Variants in TRIM68 observed in about 807,000 individuals in gnomAD.
TRIM68 encodes tripartite motif containing 68, also known as E3 ubiquitin-protein ligase TRIM68.
In TRIM68, 36 loss-of-function variants were observed where a neutral mutation model predicts 41.9. That is an observed-to-expected ratio of 0.86 (90% confidence interval 0.66 to 1.14). The LOEUF is 1.14. Among genes scored for constraint, TRIM68 ranks in the 50% most tolerant of loss-of-function variants. The pLI, the probability that TRIM68 is intolerant of heterozygous loss-of-function variation, is 0.00. For missense variants in TRIM68, 632 were observed against 605.1 expected, an observed-to-expected ratio of 1.04 and a Z score of -0.47; for synonymous variants, 225 against 224.6, an observed-to-expected ratio of 1.00 and a Z score of -0.02.
Position 4,600,185 on chromosome 11 carries a change from T to C in TRIM68, c.*91A>G. On this transcript the variant is annotated 3_prime_UTR_variant, in exon 7 of 7. Transcript: ENST00000300747. Reference sequence around the variant, plus strand: ...TCCTTGGATACTGGGCTCAGCTCAGTTTCAGGGGATACCTGTCAGTGGCTC... The same window carrying C: ...TCCTTGGATACTGGGCTCAGCTCAGCTTCAGGGGATACCTGTCAGTGGCTC... The C allele has an allele frequency of 7.5e-7, 1 of 1,333,334 alleles. No homozygotes were observed. Among genetic ancestry groups the C allele is most frequent in the Non-Finnish European group, 1.0e-6 (1 of 978,424 alleles). 82.6% of individuals were successfully genotyped at this position (1,333,334 alleles called of 1,614,324 possible). A position where few individuals can be genotyped will look rare whatever the true frequency, so the allele number is the denominator to read the frequency against.
chr11:4,601,575 G>C, intron 5 of TRIM68, 89 bp downstream of exon 5: 2 of 1,412,756 alleles, frequency 1.4e-6, no homozygotes, highest in Non-Finnish European at 2.0e-6. Flanking sequence ...TGTGTGCACC[G>C]AGTCTGTGCT....
chr11:4,598,988 G>C lies in TRIM68; in HGVS notation c.*1288C>G, dbSNP rs1045769193. The C allele has an allele frequency of 2.0e-5, 3 of 152,142 alleles. No homozygotes were observed. The highest frequency in any genetic ancestry group is 7.2e-5 in the African/African-American group (3 of 41,416). The allele number at this position is 152,142 out of a possible 1,614,324, so 9.4% of individuals were successfully genotyped here. ...ATCTATACAACAGCTCCATGAGGCA[G>C]GACAATCATATGAGGTTTTATGCTG... On this transcript the variant is annotated 3_prime_UTR_variant, in exon 7 of 7. Coordinates refer to ENST00000300747, the MANE Select transcript of TRIM68 (RefSeq NM_018073.8).
At chr11:4,602,471 C>A in intron 3 of TRIM68, 59 bp from the exon 4 acceptor site, 3 of 1,591,912 alleles carry the variant, frequency 1.9e-6, no homozygotes, top group Non-Finnish European at 2.6e-6. Context: ...ATCGAGCATA[C>A]TGACATATGC....
intron 3 of TRIM68, among the ~76,000 whole-genome samples, chr11:4,602,660 T>C (rs913012879): frequency 6.6e-6 from 1 of 152,260 alleles, no homozygotes; most frequent in Non-Finnish European, 1.5e-5. Flanking sequence ...CTACATGCTC[T>C]AGACTATTTT....
chr11:4,604,372 C>T (rs1164384110), intron 2 of TRIM68, among the ~76,000 whole-genome samples: 3 of 152,132 alleles, frequency 2.0e-5, no homozygotes, highest in Admixed American at 6.5e-5. Flanking sequence ...AAGAGAAGCC[C>T]AGAAGCTGGA....
intron 2 of TRIM68, 69 bp downstream of exon 2, chr11:4,605,010 A>C: frequency 6.4e-7 from 1 of 1,552,630 alleles, no homozygotes; most frequent in Non-Finnish European, 8.7e-7. Context: ...CTGGTGGTCA[A>C]GCCCTTGATC....
Position 4,599,135 on chromosome 11 carries a change from T to G in TRIM68, c.*1141A>C, listed in dbSNP as rs974998416. ...CTGCGAAGTGAGTTTGTCAACCTTG[T>G]TTCACTTGAGTGTGAAAAATGCTTT... On this transcript the variant is annotated 3_prime_UTR_variant, in exon 7 of 7. Coordinates refer to ENST00000300747, the MANE Select transcript of TRIM68 (RefSeq NM_018073.8). The G allele has an allele frequency of 6.6e-6, 1 of 152,226 alleles. No individual in the cohort carries two copies. Among genetic ancestry groups the G allele is most frequent in the Non-Finnish European group, 1.5e-5 (1 of 68,040 alleles). 9.4% of individuals were successfully genotyped at this position (152,226 alleles called of 1,614,324 possible). A position where few individuals can be genotyped will look rare whatever the true frequency, so the allele number is the denominator to read the frequency against.
intron 1 of TRIM68, among the ~76,000 whole-genome samples, chr11:4,607,627 C>A (rs190564569): frequency 1.3e-5 from 2 of 152,308 alleles, no homozygotes; most frequent in Admixed American, 1.3e-4. Context: ...CTAAAAACAT[C>A]TAAATGGGGA....
In TRIM68 at chr11:4,605,331, G is replaced by T; in HGVS notation, c.174C>A (p.Pro58=). The change falls in exon 2 of 7, where the codon CCC becomes CCA. Residue 58 remains proline (P), a synonymous_variant. Coordinates refer to ENST00000300747, the MANE Select transcript of TRIM68 (RefSeq NM_018073.8). The part of the protein sequence containing the change: ...GESQNWGYTC[P]LCRAPVQPRN... ...TTGGCTGGACAGGAGCTCGACAGAGGGGACAGGTGTAACCCCAGTTCTGGG... is the reference window on the plus strand; with the variant it reads ...TTGGCTGGACAGGAGCTCGACAGAGTGGACAGGTGTAACCCCAGTTCTGGG... 6.2e-7 allele frequency: 1 copy of T among 1,614,252 alleles called. No individual in the cohort carries two copies. Among genetic ancestry groups the T allele is most frequent in the Non-Finnish European group, 8.5e-7 (1 of 1,180,046 alleles).
chr11:4,600,604 T>C lies in TRIM68; in HGVS notation c.1130A>G (p.Gln377Arg). The C allele has an allele frequency of 6.2e-7, 1 of 1,614,138 alleles. No homozygotes were observed. Among genetic ancestry groups the C allele is most frequent in the Non-Finnish European group, 8.5e-7 (1 of 1,180,032 alleles). ...RSEWGLGVCK[Q>R]NVDRKEVVYL... is the part of the protein sequence containing the mutation. ...GACCACCTCCTTCCGGTCTACATTT[T>C]GCTTACATACTCCCAGGCCCCACTC... is the stretch of plus-strand genomic sequence containing the variant. The change falls in exon 7 of 7, where the codon CAA becomes CGA. Residue 377 changes from glutamine to arginine, a missense_variant. Physicochemically the swap from Gln to Arg is conservative, Grantham distance 43. Transcript: ENST00000300747.
intron 1 of TRIM68, among the ~76,000 whole-genome samples, chr11:4,606,992 C>T (rs1233366461): frequency 3.9e-5 from 6 of 152,184 alleles, no homozygotes; most frequent in African/African-American, 1.4e-4. Flanking sequence ...TATCCTAAAA[C>T]CTCATTTTGG....
intron 5 of TRIM68, 127 bp downstream of exon 5, chr11:4,601,537 C>A: frequency 1.0e-6 from 1 of 958,088 alleles, no homozygotes. Flanking sequence ...GTAAGTGGGA[C>A]GAGACTGTGG....
At chr11:4,607,889 G>C (rs929223139) in intron 1 of TRIM68, 138 bp downstream of exon 1, 1 of 152,396 alleles carries the variant, frequency 6.6e-6, no homozygotes, top group Non-Finnish European at 1.5e-5. Context: ...GTCGAGGGGC[G>C]GGCGGTAACC....
chr11:4,604,933 C>T (rs1846545407), intron 2 of TRIM68, 146 bp downstream of exon 2: 1 of 826,632 alleles, frequency 1.2e-6, no homozygotes. Context: ...AGGTATAGCT[C>T]TCTGTATCAG....
In TRIM68 at chr11:4,603,348, A is replaced by C. The variant is rs757483677; in HGVS notation, c.427-8T>G. 6.2e-7 allele frequency: 1 copy of C among 1,613,978 alleles called. No individual in the cohort carries two copies. Among genetic ancestry groups the C allele is most frequent in the South Asian group, 1.1e-5 (1 of 91,080 alleles). On this transcript the variant is annotated splice_region_variant and splice_polypyrimidine_tract_variant and intron_variant, in intron 2 of 6. Coordinates refer to ENST00000300747, the MANE Select transcript of TRIM68 (RefSeq NM_018073.8). ...GGCCTCATGAAGTTCCCACTGCAAG[A>C]GACAAAACCCTCATGAGGCCACCTC...
chr11:4,606,839 G>A (rs1846577389), intron 1 of TRIM68, among the ~76,000 whole-genome samples: 1 of 152,240 alleles, frequency 6.6e-6, no homozygotes, highest in South Asian at 2.1e-4. Context: ...GTGGTTTAGC[G>A]CAGTCCAGTA....
Position 4,605,552 on chromosome 11 carries a change from G to A in TRIM68, c.-48C>T. 1.1e-5 allele frequency: 16 copies of A among 1,515,458 alleles called. No individual in the cohort carries two copies. The highest frequency in any genetic ancestry group is 1.4e-5 in the Non-Finnish European group (16 of 1,120,468). 93.9% of individuals were successfully genotyped at this position (1,515,458 alleles called of 1,614,324 possible). On this transcript the variant is annotated 5_prime_UTR_variant, in exon 2 of 7. Coordinates refer to ENST00000300747, the MANE Select transcript of TRIM68 (RefSeq NM_018073.8). Reference sequence around the variant, plus strand: ...AGAACATGAATGAAACCAGGGAGAAGTAGTAAAGGCTGAGAAGAAGAAAAG... The same window carrying A: ...AGAACATGAATGAAACCAGGGAGAAATAGTAAAGGCTGAGAAGAAGAAAAG...
At position 4,606,286 on chromosome 11, in the gene TRIM68, A is replaced by G. The variant is rs1846566871; in HGVS notation, c.-57-725T>C. On this transcript the variant is annotated intron_variant, in intron 1 of 6. Transcript: ENST00000300747. ...ATGATCATCACACCCATATTGATGA[A>G]ATCACTACACCAGCAAGAAATCTGA... Among the ~76,000 whole-genome samples, 3 of 152,356 alleles carry G rather than the reference A, an allele frequency of 2.0e-5. No individual in the cohort carries two copies. In the South Asian group the frequency reaches 6.2e-4, roughly 32 times the overall value.
At chr11:4,603,125 T>C (rs1300965823) in intron 3 of TRIM68, 120 bp downstream of exon 3, 2 of 964,450 alleles carry the variant, frequency 2.1e-6, no homozygotes, top group Non-Finnish European at 3.3e-6. Flanking sequence ...ATTAGAACCC[T>C]AGGCTCTGTG....
Sources: allele counts gnomAD v4.1 joint callset (sites outside exome capture counted in the v4.1 genomes callset), GRCh38; gene constraint gnomAD v4.1.1; transcripts MANE v1.5; gene names NCBI Gene and HGNC (gene_info 2026-07-23, HGNC 2026-07-21).